ISM1: variants seen among roughly 807,000 people sequenced by gnomAD.
ISM1 encodes isthmin-1.
In ISM1, 25 loss-of-function variants were observed where a neutral mutation model predicts 46.3. The ratio of observed to expected loss-of-function variants is 0.54; its 90% confidence interval spans 0.39 to 0.75. The LOEUF is 0.75. Ranked by LOEUF, ISM1 falls within the 30% of genes least tolerant of loss-of-function variation. The probability of loss-of-function intolerance (pLI) is 0.00; values close to 1 mark genes in which losing one functional copy is unlikely to be tolerated. For missense variants in ISM1, 536 were observed against 625.4 expected (o/e 0.86, Z 1.52); for synonymous variants, 255 against 256.7 (o/e 0.99, Z 0.06).
At chr20:13,230,005 T>C (rs1325901408) in intron 1 of ISM1, among the ~76,000 whole-genome samples, 1 of 152,232 alleles carries the variant, frequency 6.6e-6, no homozygotes, top group African/African-American at 2.4e-5. Context: ...TATTTTCCTT[T>C]ATATAAACCA....
chr20:13,275,612 T>C (rs138243809), intron 2 of ISM1, among the ~76,000 whole-genome samples: 199 of 152,254 alleles, frequency 1.3e-3, no homozygotes, highest in African/African-American at 4.6e-3. Context: ...GTCTATAAAA[T>C]TGGAATGACA....
At chr20:13,311,213 AGAT>A in the ISM1 span, among the ~76,000 whole-genome samples, 1 of 108,700 alleles carries the variant, frequency 9.2e-6, no homozygotes, top group Non-Finnish European at 2.0e-5. Flanking sequence ...AGATATAGAT[AGAT>A]GATAGATAGA....
chr20:13,303,152 G>A (rs2040472913), downstream of ISM1, among the ~76,000 whole-genome samples: 1 of 152,190 alleles, frequency 6.6e-6, no homozygotes, highest in Admixed American at 6.5e-5. Flanking sequence ...CTTGGTAAAT[G>A]ACAGAGCTCC....
At chr20:13,256,598 G>A (rs764751999) in intron 1 of ISM1, among the ~76,000 whole-genome samples, 17 of 152,090 alleles carry the variant, frequency 1.1e-4, no homozygotes, top group African/African-American at 2.7e-4. Context: ...CACTGACCAC[G>A]TCTTCCATCC....
At chr20:13,319,336 C>T in the ISM1 span, among the ~76,000 whole-genome samples, 1 of 152,098 alleles carries the variant, frequency 6.6e-6, no homozygotes, top group East Asian at 1.9e-4. Context: ...ATGTGCCTGG[C>T]AGCCCGGGTA....
At chr20:13,238,438 G>A (rs1157287289) in intron 1 of ISM1, among the ~76,000 whole-genome samples, 1 of 152,076 alleles carries the variant, frequency 6.6e-6, no homozygotes, top group Non-Finnish European at 1.5e-5. Flanking sequence ...CCTTCAGTAG[G>A]GTAAACATTT....
Position 13,244,400 on chromosome 20 carries a change from AACC to A in ISM1, c.138+22488_138+22490del, listed in dbSNP as rs1600498644. The A allele has an allele frequency of 2.0e-5, 3 of 152,036 alleles. No individual in the cohort carries two copies. In the East Asian group the frequency reaches 5.8e-4, roughly 29 times the overall value. The allele number at this position is 152,036 out of a possible 1,614,324, so 9.4% of individuals were successfully genotyped here. A position where few individuals can be genotyped will look rare whatever the true frequency, so the allele number is the denominator to read the frequency against. On this transcript the variant is annotated intron_variant, in intron 1 of 5. Transcript: ENST00000262487. Reference sequence around the variant, plus strand: ...AGATGTCCTATGCAAAAAAAAAAAAAACCAGCATAAGCTAATGAAAATATATAG... The same window carrying A: ...AGATGTCCTATGCAAAAAAAAAAAAAAGCATAAGCTAATGAAAATATATAG...
At chr20:13,274,846 GGAAGAAAATGCGCAAAATA>G (rs1284303943) in intron 2 of ISM1, among the ~76,000 whole-genome samples, 1 of 152,130 alleles carries the variant, frequency 6.6e-6, no homozygotes, top group Non-Finnish European at 1.5e-5. Flanking sequence ...AGTGAGGAGG[GGAAGAAAATGCGCAAAATA>G]GAACAAAAAT....
intron 4 of ISM1, among the ~76,000 whole-genome samples, chr20:13,289,405 G>A (rs573621788): frequency 2.0e-5 from 3 of 152,282 alleles, no homozygotes; most frequent in South Asian, 2.1e-4. Context: ...CGCAACCTGG[G>A]GCGTCTTGGT....
At chr20:13,305,504 T>C (rs867857702), downstream of ISM1, among the ~76,000 whole-genome samples, 48 of 152,312 alleles carry the variant, frequency 3.2e-4, no homozygotes, top group South Asian at 4.1e-4. Flanking sequence ...TGTTTGTCAT[T>C]CATTTACAAT....
At chr20:13,316,278 T>G in the ISM1 span, among the ~76,000 whole-genome samples, 1 of 151,950 alleles carries the variant, frequency 6.6e-6, no homozygotes, top group Non-Finnish European at 1.5e-5. Flanking sequence ...CTATATCTAT[T>G]AAGGAAATTG....
At chr20:13,278,127 G>A (rs1046250575) in intron 2 of ISM1, among the ~76,000 whole-genome samples, 1 of 152,124 alleles carries the variant, frequency 6.6e-6, no homozygotes, top group Admixed American at 6.5e-5. Flanking sequence ...TCATCCAGGG[G>A]GTGTTGCAAG....
intron 1 of ISM1, among the ~76,000 whole-genome samples, chr20:13,241,209 G>T (rs1322178758): frequency 6.6e-6 from 1 of 152,158 alleles, no homozygotes; most frequent in African/African-American, 2.4e-5. Flanking sequence ...GGCATCATGG[G>T]AACAGACTCC....
intron 1 of ISM1, among the ~76,000 whole-genome samples, chr20:13,224,454 ATTCT>A (rs1024274715): frequency 3.9e-5 from 6 of 152,224 alleles, no homozygotes; most frequent in Admixed American, 1.3e-4. Context: ...TGGACACTGT[ATTCT>A]TTCTTTTTAC....
At chr20:13,258,906 C>T (rs2039956566) in intron 1 of ISM1, among the ~76,000 whole-genome samples, 1 of 152,102 alleles carries the variant, frequency 6.6e-6, no homozygotes, top group South Asian at 2.1e-4. Flanking sequence ...AGACCAACAT[C>T]CGGATAGGGG....
At chr20:13,300,817 C>T (rs144608304), downstream of ISM1, among the ~76,000 whole-genome samples, 259 of 152,266 alleles carry the variant, frequency 1.7e-3, 1 homozygote, top group African/African-American at 5.8e-3. Flanking sequence ...GCACCAAAAT[C>T]GTCTACCCAA....
intron 1 of ISM1, among the ~76,000 whole-genome samples, chr20:13,230,519 A>C (rs2039576506): frequency 6.6e-6 from 1 of 152,102 alleles, no homozygotes; most frequent in African/African-American, 2.4e-5. Flanking sequence ...TTTCTTTTGC[A>C]ACCCTTGGCT....
chr20:13,274,332 C>T (rs1227736664), intron 2 of ISM1, among the ~76,000 whole-genome samples: 1 of 152,162 alleles, frequency 6.6e-6, no homozygotes, highest in Non-Finnish European at 1.5e-5. Flanking sequence ...TGGTCCCTGA[C>T]GGTCCCTGCC....
Position 13,221,722 on chromosome 20 carries a change from ACCGCCG to A in ISM1, c.-45_-40del. On this transcript the variant is annotated 5_prime_UTR_variant, in exon 1 of 6. Coordinates refer to ENST00000262487, the MANE Select transcript of ISM1 (RefSeq NM_080826.2). ...CTCCTACTCCTCCTCCCCCGGCGTC[ACCGCCG>A]CCGCCGCCGGCCGCCGCGCCGGGTC... 7.6e-7 allele frequency: 1 copy of A among 1,313,220 alleles called. No homozygotes were observed. The highest frequency in any genetic ancestry group is 9.7e-7 in the Non-Finnish European group (1 of 1,030,436). 81.3% of individuals were successfully genotyped at this position (1,313,220 alleles called of 1,614,324 possible).
Sources: allele counts gnomAD v4.1 joint callset (sites outside exome capture counted in the v4.1 genomes callset), GRCh38; gene constraint gnomAD v4.1.1; transcripts MANE v1.5; gene names NCBI Gene and HGNC (gene_info 2026-07-23, HGNC 2026-07-21).